DNAI1: variants seen among roughly 807,000 people sequenced by gnomAD.
DNAI1 encodes the protein dynein axonemal intermediate chain 1, also known as dynein, axonemal, intermediate polypeptide 1.
A neutral mutation model predicts 92.0 loss-of-function variants in DNAI1; 67 were observed. The ratio of observed to expected loss-of-function variants is 0.73; its 90% CI spans 0.60 to 0.89. DNAI1 has a LOEUF of 0.89. Among genes scored for constraint, DNAI1 ranks in the 40% least tolerant of loss-of-function variants. DNAI1 has a pLI of 0.00. For synonymous variants in DNAI1, 323 were observed against 319.6 expected, an observed-to-expected ratio of 1.01 and a Z score of -0.11; for missense variants, 839 against 866.6, an observed-to-expected ratio of 0.97 and a Z score of 0.40.
intron 16 of DNAI1, among the ~76,000 whole-genome samples, chr9:34,514,092 C>T (rs371541604): frequency 6.6e-6 from 1 of 152,204 alleles, no homozygotes; most frequent in Admixed American, 6.5e-5. Flanking sequence ...TCTGCCCTCT[C>T]TTAAGGAGAG....
intron 13 of DNAI1, among the ~76,000 whole-genome samples, chr9:34,508,205 C>T (rs902653872): frequency 2.6e-5 from 4 of 152,216 alleles, no homozygotes; most frequent in African/African-American, 4.8e-5. Context: ...GTTCTACACT[C>T]CTGCCTCTTA....
intron 1 of DNAI1, among the ~76,000 whole-genome samples, chr9:34,468,764 T>G (rs1434478813): frequency 4.6e-5 from 7 of 151,372 alleles, no homozygotes; most frequent in African/African-American, 1.7e-4. Context: ...AGATCAAGGC[T>G]GCAGTGAGCT....
chr9:34,484,163 C>T (rs137961454), intron 2 of DNAI1, among the ~76,000 whole-genome samples: 1,569 of 152,124 alleles, frequency 0.01, 28 homozygotes, highest in African/African-American at 0.036. Context: ...TATAGTGAGC[C>T]GAGATCGTGC....
intron 9 of DNAI1, among the ~76,000 whole-genome samples, chr9:34,493,545 G>T (rs551600482): frequency 2.0e-5 from 3 of 152,216 alleles, no homozygotes; most frequent in African/African-American, 7.2e-5. Flanking sequence ...AGATCTGGAG[G>T]CTAGCAGTAT....
chr9:34,481,869 G>A (rs1037907384), intron 1 of DNAI1, among the ~76,000 whole-genome samples: 1 of 152,228 alleles, frequency 6.6e-6, no homozygotes, highest in African/African-American at 2.4e-5. Flanking sequence ...ATTGCAAAGA[G>A]CAAAAGAACA....
At chr9:34,465,092 AT>A (rs1455716263) in intron 1 of DNAI1, among the ~76,000 whole-genome samples, 7 of 152,360 alleles carry the variant, frequency 4.6e-5, no homozygotes, top group African/African-American at 1.7e-4. Context: ...TAACTATTAG[AT>A]TTAATAACTT....
In DNAI1 at chr9:34,493,209, G is replaced by A. The variant is rs747538328; in HGVS notation, c.697G>A (p.Ala233Thr). 8.7e-6 allele frequency: 14 copies of A among 1,614,082 alleles called. No homozygotes were observed. The highest frequency in any genetic ancestry group is 6.7e-5 in the Admixed American group (4 of 60,008). The change falls in exon 9 of 20, where the codon GCC becomes ACC. Residue 233 changes from alanine to threonine, a missense_variant. By Grantham distance (58) the Ala-to-Thr change is moderately conservative (BLOSUM62 0). Transcript: ENST00000242317. Reference protein sequence around the residue: ...ATANQWEIYDAYVEELEKQEK... With the variant: ...ATANQWEIYDTYVEELEKQEK... ...CCTTGCCTAGTGGGAGATCTATGAT[G>A]CCTATGTAGAGGAACTTGAGAAGCA... is the stretch of plus-strand genomic sequence containing the variant.
chr9:34,467,069 G>T (rs777265956), intron 1 of DNAI1, among the ~76,000 whole-genome samples: 1 of 152,172 alleles, frequency 6.6e-6, no homozygotes, highest in Non-Finnish European at 1.5e-5. Flanking sequence ...TATTCTCTTT[G>T]CTCAGCTCCT....
intron 1 of DNAI1, among the ~76,000 whole-genome samples, chr9:34,482,692 C>T (rs555558253): frequency 3.3e-5 from 5 of 152,410 alleles, no homozygotes; most frequent in African/African-American, 1.2e-4. Flanking sequence ...AGGAGCCCAC[C>T]TGGCTTCACC....
At chr9:34,513,041 C>A in intron 15 of DNAI1, 71 bp from the exon 16 acceptor site, 1 of 1,243,652 alleles carries the variant, frequency 8.0e-7, no homozygotes, top group Non-Finnish European at 1.2e-6. Context: ...AGCTCCTCTG[C>A]TGAGTAGGGG....
chr9:34,518,874 T>C (rs568980899), intron 19 of DNAI1, among the ~76,000 whole-genome samples: 98 of 126,320 alleles, frequency 7.8e-4, no homozygotes, highest in Non-Finnish European at 1.3e-3. Flanking sequence ...CCCTGCCCAC[T>C]CTGATCCAGG....
chr9:34,474,035 T>C (rs1214966963), intron 1 of DNAI1, among the ~76,000 whole-genome samples: 3 of 152,136 alleles, frequency 2.0e-5, no homozygotes, highest in Admixed American at 6.5e-5. Context: ...GTCCAATACA[T>C]TGTTATTTAC....
chr9:34,502,458 T>C (rs1824849734), intron 12 of DNAI1, among the ~76,000 whole-genome samples: 1 of 152,162 alleles, frequency 6.6e-6, no homozygotes, highest in African/African-American at 2.4e-5. Flanking sequence ...CCAGGCTCTC[T>C]GCCCAGGTCT....
chr9:34,478,660 A>G (rs1386680226), intron 1 of DNAI1: 1 of 152,220 alleles, frequency 6.6e-6, no homozygotes, highest in Non-Finnish European at 1.5e-5. Context: ...CTGTTATCCC[A>G]TTGATCCGCA....
At chr9:34,484,579 G>T in intron 2 of DNAI1, among the ~76,000 whole-genome samples, 1 of 152,154 alleles carries the variant, frequency 6.6e-6, no homozygotes, top group East Asian at 1.9e-4. Context: ...GGCCACTTTG[G>T]CAACATGTTT....
chr9:34,493,568 G>A (rs1410558605), intron 9 of DNAI1, among the ~76,000 whole-genome samples: 2 of 152,094 alleles, frequency 1.3e-5, no homozygotes, highest in Admixed American at 6.5e-5. Flanking sequence ...CAGAATTATT[G>A]AGCTAGAGGG....
intron 1 of DNAI1, among the ~76,000 whole-genome samples, chr9:34,473,141 T>A (rs1311068108): frequency 6.6e-6 from 1 of 152,064 alleles, no homozygotes; most frequent in Non-Finnish European, 1.5e-5. Flanking sequence ...TCCATAGCAA[T>A]ACATAAAAGT....
chr9:34,481,919 A>G (rs1178992993), intron 1 of DNAI1, among the ~76,000 whole-genome samples: 1 of 152,238 alleles, frequency 6.6e-6, no homozygotes, highest in African/African-American at 2.4e-5. Context: ...GCAGGTTGCC[A>G]ATGCTGGCTC....
At chr9:34,519,058 C>A (rs983861093) in intron 19 of DNAI1, among the ~76,000 whole-genome samples, 1 of 152,174 alleles carries the variant, frequency 6.6e-6, no homozygotes, top group Admixed American at 6.5e-5. Context: ...TGGGGACCTA[C>A]GTCTCTGAGG....
Sources: gnomAD v4.1 joint callset for allele counts (sites outside exome capture counted in the v4.1 genomes callset) on GRCh38, gnomAD v4.1.1 for gene constraint, MANE v1.5 for transcripts, NCBI Gene and HGNC (gene_info 2026-07-23, HGNC 2026-07-21) for gene names.